Variants in SPATA6 observed in about 807,000 individuals in gnomAD.
SPATA6 encodes the protein spermatogenesis associated 6, also known as spermatogenesis-associated protein 6.
A neutral mutation model predicts 65.3 loss-of-function variants in SPATA6; 56 were observed. The ratio of observed to expected loss-of-function variants is 0.86; its 90% CI spans 0.69 to 1.07. The LOEUF (loss-of-function observed/expected upper bound fraction) is 1.07. Among genes scored for constraint, SPATA6 ranks in the 50% least tolerant of loss-of-function variants. The pLI is 0.00. For synonymous variants in SPATA6, 199 were observed against 213.2 expected (o/e 0.93, Z 0.58); for missense variants, 590 against 594.8 (o/e 0.99, Z 0.08).
At chr1:48,368,469 C>T (rs751557845) in intron 9 of SPATA6, among the ~76,000 whole-genome samples, 10 of 152,188 alleles carry the variant, frequency 6.6e-5, no homozygotes, top group Non-Finnish European at 1.0e-4. Flanking sequence ...CATAGTCCCA[C>T]ATTTCTTGGA....
intron 3 of SPATA6, among the ~76,000 whole-genome samples, chr1:48,449,521 GC>G (rs1656364203): frequency 6.6e-6 from 1 of 152,122 alleles, no homozygotes; most frequent in African/African-American, 2.4e-5. Flanking sequence ...TTTTAAGGAA[GC>G]AATCAGCCAA....
intron 7 of SPATA6, 112 bp downstream of exon 7, chr1:48,399,237 GAA>G: frequency 8.0e-7 from 1 of 1,244,436 alleles, no homozygotes; most frequent in Non-Finnish European, 1.1e-6. Context: ...GTAGCAGTCA[GAA>G]GAGAAAAGTA....
chr1:48,400,002 G>A (rs951225801), intron 6 of SPATA6, among the ~76,000 whole-genome samples: 4 of 151,766 alleles, frequency 2.6e-5, no homozygotes, highest in Admixed American at 6.6e-5. Flanking sequence ...TTAAATATTC[G>A]TGTAATTGGC....
intron 1 of SPATA6, among the ~76,000 whole-genome samples, chr1:48,454,826 T>C (rs1474874916): frequency 6.6e-6 from 1 of 152,214 alleles, no homozygotes; most frequent in Non-Finnish European, 1.5e-5. Flanking sequence ...TTAAATAAGT[T>C]AATATATTCA....
At chr1:48,413,988 T>A (rs1652521649) in intron 3 of SPATA6, among the ~76,000 whole-genome samples, 1 of 152,222 alleles carries the variant, frequency 6.6e-6, no homozygotes, top group Non-Finnish European at 1.5e-5. Flanking sequence ...TGAAACGGAA[T>A]GCAACCACAG....
intron 3 of SPATA6, among the ~76,000 whole-genome samples, chr1:48,419,938 A>G (rs540340648): frequency 6.6e-6 from 1 of 152,284 alleles, no homozygotes; most frequent in South Asian, 2.1e-4. Context: ...TATGAAATAT[A>G]TATTTGGTCT....
the SPATA6 span, among the ~76,000 whole-genome samples, chr1:48,276,563 A>T: frequency 1.0e-3 from 155 of 152,146 alleles, 1 homozygote; most frequent in African/African-American, 3.7e-3. Flanking sequence ...TAAAGAACTT[A>T]TTATTTCTGC....
rs1650961788 is a variant in SPATA6, at chr1:48,399,579, T to G, written c.552A>C (p.Ser184=). ...KSHGRLQNRT[S]RSQKKKSKSP... ...ACTTGGATTTTTTCTTTTGTGATCTTGATGTTCTGTTTTGCAGTCTGCCAT... is the reference window on the plus strand; with the variant it reads ...ACTTGGATTTTTTCTTTTGTGATCTGGATGTTCTGTTTTGCAGTCTGCCAT... The change falls in exon 7 of 13, where the codon TCA becomes TCC. Residue 184 remains serine, a synonymous_variant. Coordinates refer to ENST00000371847, the MANE Select transcript of SPATA6 (RefSeq NM_019073.4). 10 of 1,612,602 alleles carry G rather than the reference T, an allele frequency of 6.2e-6. No individual in the cohort carries two copies. In the South Asian group the frequency reaches 9.9e-5, roughly 16 times the overall value.
At chr1:48,457,291 G>A (rs1657080630) in intron 1 of SPATA6, among the ~76,000 whole-genome samples, 1 of 152,008 alleles carries the variant, frequency 6.6e-6, no homozygotes, top group South Asian at 2.1e-4. Context: ...AATTAGCTGG[G>A]CATGGTGGCA....
chr1:48,471,923 A>C lies in SPATA6; in HGVS notation c.51+35T>G, dbSNP rs754963972. 3 of 1,608,594 alleles carry C rather than the reference A, an allele frequency of 1.9e-6. No individual in the cohort carries two copies. The East Asian group carries it at 6.7e-5, about 36-fold the overall frequency. Reference sequence around the variant, plus strand: ...AGGTGACTGAGGGAGTCCCTGAGCCAATGCCCGGGGGTGGGAGGCGCTACC... The same window carrying C: ...AGGTGACTGAGGGAGTCCCTGAGCCCATGCCCGGGGGTGGGAGGCGCTACC... On this transcript the variant is annotated intron_variant, in intron 1 of 12. Coordinates refer to ENST00000371847, the MANE Select transcript of SPATA6 (RefSeq NM_019073.4).
chr1:48,418,620 T>C (rs1435346780), intron 3 of SPATA6, among the ~76,000 whole-genome samples: 1 of 147,656 alleles, frequency 6.8e-6, no homozygotes, highest in African/African-American at 2.5e-5. Flanking sequence ...CCCAGATACT[T>C]GGGAGGCTGA....
chr1:48,436,521 T>G (rs1469725389), intron 3 of SPATA6: 2 of 1,611,840 alleles, frequency 1.2e-6, no homozygotes, highest in African/African-American at 2.7e-5. Flanking sequence ...ACAGGAGTAT[T>G]AAAGCCAGCC....
At chr1:48,313,041 A>C (rs199628033) in intron 11 of SPATA6, among the ~76,000 whole-genome samples, 3 of 152,232 alleles carry the variant, frequency 2.0e-5, no homozygotes, top group South Asian at 4.1e-4. Flanking sequence ...ATATGGGACT[A>C]TGTGAAAAGA....
At chr1:48,445,659 C>CAAA (rs10632587) in intron 3 of SPATA6, among the ~76,000 whole-genome samples, 853 of 51,272 alleles carry the variant, frequency 0.017, 247 homozygotes, top group African/African-American at 0.083. Flanking sequence ...GACTCTGTCT[C>CAAA]AAAAAAAAAA....
chr1:48,265,249 ATTTAT>A, the SPATA6 span, among the ~76,000 whole-genome samples: 3 of 151,754 alleles, frequency 2.0e-5, no homozygotes, highest in Non-Finnish European at 4.4e-5. Flanking sequence ...GATACATCTT[ATTTAT>A]TTTATTTTAT....
chr1:48,448,515 T>G (rs1297160452), intron 3 of SPATA6, among the ~76,000 whole-genome samples: 1 of 150,248 alleles, frequency 6.7e-6, no homozygotes, highest in African/African-American at 2.4e-5. Context: ...AAAGACGTTC[T>G]CCATCCCCAT....
chr1:48,264,008 T>C, the SPATA6 span, among the ~76,000 whole-genome samples: 1 of 152,108 alleles, frequency 6.6e-6, no homozygotes, highest in South Asian at 2.1e-4. Context: ...TTGTATTTTT[T>C]TGTAGAAGCT....
chr1:48,448,858 T>A (rs758352398), intron 3 of SPATA6, among the ~76,000 whole-genome samples: 2 of 152,082 alleles, frequency 1.3e-5, no homozygotes, highest in African/African-American at 4.8e-5. Context: ...AGAAAATACA[T>A]TGGTTTCTGG....
At chr1:48,319,457 G>T (rs1446575145) in intron 11 of SPATA6, among the ~76,000 whole-genome samples, 1 of 152,122 alleles carries the variant, frequency 6.6e-6, no homozygotes, top group Non-Finnish European at 1.5e-5. Flanking sequence ...CTCTGTCATG[G>T]AGAGCAATCA....
Sources: gnomAD v4.1 joint callset for allele counts (sites outside exome capture counted in the v4.1 genomes callset) on GRCh38, gnomAD v4.1.1 for gene constraint, MANE v1.5 for transcripts, NCBI Gene and HGNC (gene_info 2026-07-23, HGNC 2026-07-21) for gene names.